CDH13: variants seen among roughly 807,000 people sequenced by gnomAD.
The protein encoded by CDH13 is cadherin 13, also known as cadherin-13.
In CDH13, 24 loss-of-function variants were observed where a neutral mutation model predicts 63.8. The ratio of observed to expected loss-of-function variants is 0.38; its 90% CI spans 0.27 to 0.53. CDH13 has a LOEUF of 0.53. Ranked by LOEUF, CDH13 falls within the 20% of genes least tolerant of loss-of-function variation. The probability of loss-of-function intolerance (pLI) is 0.85; values close to 1 mark genes in which losing one functional copy is unlikely to be tolerated. For synonymous variants in CDH13, 503 were observed against 355.3 expected, an observed-to-expected ratio of 1.42 and a Z score of -4.67; for missense variants, 1,049 against 903.1, an observed-to-expected ratio of 1.16 and a Z score of -2.07.
At chr16:83,041,026 C>A (rs925118282) in intron 3 of CDH13, among the ~76,000 whole-genome samples, 7 of 152,138 alleles carry the variant, frequency 4.6e-5, no homozygotes, top group African/African-American at 1.7e-4. Context: ...GAAGCACTGA[C>A]TAAACTTCCT....
intron 5 of CDH13, among the ~76,000 whole-genome samples, chr16:83,239,845 C>A (rs964167201): frequency 2.0e-5 from 3 of 152,150 alleles, no homozygotes; most frequent in East Asian, 3.9e-4. Context: ...TAAACAGGAC[C>A]AGGAGGATGG....
chr16:83,445,075 T>C (rs977209352), intron 6 of CDH13, among the ~76,000 whole-genome samples: 1 of 152,096 alleles, frequency 6.6e-6, no homozygotes, highest in Non-Finnish European at 1.5e-5. Flanking sequence ...TTTATATTCT[T>C]AATTTTTGAT....
intron 2 of CDH13, among the ~76,000 whole-genome samples, chr16:82,976,808 G>C (rs529298963): frequency 6.6e-6 from 1 of 152,318 alleles, no homozygotes; most frequent in African/African-American, 2.4e-5. Flanking sequence ...CTGGAACTCA[G>C]CTAGCTAGCC....
At chr16:83,405,280 G>C (rs1234696458) in intron 6 of CDH13, among the ~76,000 whole-genome samples, 4 of 152,214 alleles carry the variant, frequency 2.6e-5, no homozygotes, top group Admixed American at 2.0e-4. Flanking sequence ...TGGAAGATGT[G>C]CAAGTACTAA....
At chr16:83,722,904 A>G (rs1028676113) in intron 10 of CDH13, among the ~76,000 whole-genome samples, 6 of 152,220 alleles carry the variant, frequency 3.9e-5, no homozygotes, top group South Asian at 2.1e-4. Context: ...ATTTTACTAC[A>G]CTGAGGTCCC....
chr16:83,465,534 A>G (rs1393745842), intron 6 of CDH13, among the ~76,000 whole-genome samples: 1 of 152,224 alleles, frequency 6.6e-6, no homozygotes, highest in South Asian at 2.1e-4. Flanking sequence ...CACAAGGGCT[A>G]AAATAAAGAT....
At chr16:82,696,753 A>C (rs2030345794) in intron 1 of CDH13, among the ~76,000 whole-genome samples, 1 of 152,126 alleles carries the variant, frequency 6.6e-6, no homozygotes, top group South Asian at 2.1e-4. Context: ...ATTTTCCCCA[A>C]ATTTAGTGGC....
chr16:83,216,347 G>A (rs1402632828), intron 4 of CDH13, among the ~76,000 whole-genome samples: 1 of 129,980 alleles, frequency 7.7e-6, no homozygotes, highest in Admixed American at 9.0e-5. Context: ...CTATCTCAGT[G>A]GTTTCATCCA....
intron 2 of CDH13, among the ~76,000 whole-genome samples, chr16:82,939,310 C>T (rs752141867): frequency 6.6e-6 from 1 of 152,080 alleles, no homozygotes; most frequent in Non-Finnish European, 1.5e-5. Flanking sequence ...GTAGTTCCAG[C>T]TACTCAATAG....
chr16:82,724,320 G>A (rs542013622), intron 1 of CDH13, among the ~76,000 whole-genome samples: 126 of 152,062 alleles, frequency 8.3e-4, no homozygotes, highest in African/African-American at 3.0e-3. Context: ...TTCTTTAGAG[G>A]TAGTTTTATT....
chr16:83,783,108 G>A, intron 12 of CDH13, 146 bp from the exon 13 acceptor site: 2 of 642,294 alleles, frequency 3.1e-6, no homozygotes, highest in Admixed American at 5.0e-5. Flanking sequence ...ATTTTCACTT[G>A]ATGTTAATGA....
intron 6 of CDH13, among the ~76,000 whole-genome samples, chr16:83,373,440 T>C (rs2091407866): frequency 6.6e-6 from 1 of 152,014 alleles, no homozygotes; most frequent in South Asian, 2.1e-4. Context: ...CTGGATAGCA[T>C]GAGAAGCTTG....
intron 8 of CDH13, among the ~76,000 whole-genome samples, chr16:83,648,782 CCT>C (rs1912081008): frequency 6.6e-6 from 1 of 152,120 alleles, no homozygotes; most frequent in Non-Finnish European, 1.5e-5. Context: ...ATCTCTGTCT[CCT>C]GTCTTTATTT....
intron 1 of CDH13, among the ~76,000 whole-genome samples, chr16:82,756,478 G>T (rs1247768734): frequency 6.6e-6 from 1 of 152,068 alleles, no homozygotes; most frequent in Non-Finnish European, 1.5e-5. Flanking sequence ...GCAACCCGGG[G>T]TGACTAGCTG....
At chr16:82,884,459 C>A in intron 2 of CDH13, 1 of 284,478 alleles carries the variant, frequency 3.5e-6, no homozygotes, top group Non-Finnish European at 7.0e-6. Flanking sequence ...CAACCCAGTG[C>A]CTGTAATTTT....
intron 7 of CDH13, among the ~76,000 whole-genome samples, chr16:83,517,461 C>T (rs1232927732): frequency 9.2e-5 from 14 of 152,234 alleles, no homozygotes; most frequent in Non-Finnish European, 1.6e-4. Flanking sequence ...GCTCTGCCAG[C>T]TTGCAGCATG....
intron 7 of CDH13, among the ~76,000 whole-genome samples, chr16:83,585,551 G>A (rs146277273): frequency 8.5e-5 from 13 of 152,214 alleles, no homozygotes; most frequent in Non-Finnish European, 1.8e-4. Flanking sequence ...AGCTGGAAAT[G>A]TTGAACAAGC....
intron 4 of CDH13, among the ~76,000 whole-genome samples, chr16:83,131,383 T>C (rs2036045286): frequency 6.6e-6 from 1 of 152,190 alleles, no homozygotes; most frequent in African/African-American, 2.4e-5. Flanking sequence ...GTGATTTTCT[T>C]TCCATTTTTG....
intron 6 of CDH13, among the ~76,000 whole-genome samples, chr16:83,412,130 T>A (rs1410345426): frequency 6.6e-6 from 1 of 152,244 alleles, no homozygotes; most frequent in Non-Finnish European, 1.5e-5. Context: ...AATGCACCTA[T>A]GCATGTGGAA....
Sources: gnomAD v4.1 joint callset for allele counts (sites outside exome capture counted in the v4.1 genomes callset) on GRCh38, gnomAD v4.1.1 for gene constraint, MANE v1.5 for transcripts, NCBI Gene and HGNC (gene_info 2026-07-23, HGNC 2026-07-21) for gene names.